Variants in CDC14B observed in about 807,000 individuals in gnomAD.
CDC14B encodes cell division cycle 14B.
A neutral mutation model predicts 64.2 loss-of-function variants in CDC14B; 22 were observed. The observed-to-expected ratio is 0.34, with a 90% confidence interval of 0.24 to 0.49. The LOEUF (loss-of-function observed/expected upper bound fraction) is 0.49, where lower values mean the gene tolerates loss of function less well. Ranked by LOEUF, CDC14B falls within the 20% of genes least tolerant of loss-of-function variation. The pLI is 0.99. For synonymous variants in CDC14B, 191 were observed against 215.8 expected, an observed-to-expected ratio of 0.89 and a Z score of 1.01; for missense variants, 498 against 629.9, an observed-to-expected ratio of 0.79 and a Z score of 2.24.
In CDC14B at chr9:96,502,508, CA is replaced by C; in HGVS notation, c.*1244del. The stretch of plus-strand genomic sequence containing the variant: ...CAGCCCTCCATGCTCCCGGCACAGG[CA>C]AAAATGGCTTAACAATCATTAAACC... On this transcript the variant is annotated 3_prime_UTR_variant, in exon 14 of 14. Coordinates refer to ENST00000375241, the MANE Select transcript of CDC14B (RefSeq NM_033331.4). The C allele has an allele frequency of 5.3e-6, 1 of 189,100 alleles. No individual in the cohort carries two copies. Among genetic ancestry groups the C allele is most frequent in the Non-Finnish European group, 1.1e-5 (1 of 92,808 alleles). 11.7% of individuals were successfully genotyped at this position (189,100 alleles called of 1,614,324 possible).
rs113459118 is a variant in CDC14B at position 96,536,518 on chromosome 9, T to C, written c.628-1976A>G. Reference sequence around the variant, plus strand: ...TTAAATGTACGTTGTACTTTAGAAATGGACTGCTATCAGAGAAGTAAAGAC... The same window carrying C: ...TTAAATGTACGTTGTACTTTAGAAACGGACTGCTATCAGAGAAGTAAAGAC... On this transcript the variant is annotated intron_variant, in intron 7 of 13. Transcript: ENST00000375241. 1.0e-3 allele frequency among the ~76,000 whole-genome samples: 152 copies of C among 152,326 alleles called. 3 individuals carry two copies. The highest frequency in any genetic ancestry group is 3.4e-3 in the African/African-American group (143 of 41,572).
chr9:96,604,550 T>C (rs1846743389), intron 1 of CDC14B, among the ~76,000 whole-genome samples: 1 of 149,832 alleles, frequency 6.7e-6, no homozygotes. Context: ...CCGGCTAATT[T>C]TGTATTTTTA....
intron 5 of CDC14B, among the ~76,000 whole-genome samples, chr9:96,551,263 T>C (rs1434336543): frequency 6.6e-6 from 1 of 151,892 alleles, no homozygotes; most frequent in African/African-American, 2.4e-5. Flanking sequence ...ACTACAGGCA[T>C]GTGCAACCAC....
At chr9:96,507,547 C>G (rs1370237782) in intron 13 of CDC14B, among the ~76,000 whole-genome samples, 2 of 151,698 alleles carry the variant, frequency 1.3e-5, no homozygotes, top group Admixed American at 1.3e-4. Flanking sequence ...TCCCGAGTAG[C>G]TGGGATTACA....
chr9:96,503,250 A>C lies in CDC14B; in HGVS notation c.*503T>G, dbSNP rs1006434047. On this transcript the variant is annotated 3_prime_UTR_variant, in exon 14 of 14. Transcript: ENST00000375241. ...AGAGTTAACATTACAACAGTATTAC[A>C]AATAGTCAAGTGAAGATGATTAAGC... 1 of 228,412 alleles carries C rather than the reference A, an allele frequency of 4.4e-6. No homozygotes were observed. Among genetic ancestry groups the C allele is most frequent in the Admixed American group, 5.7e-5 (1 of 17,684 alleles). 14.1% of individuals were successfully genotyped at this position (228,412 alleles called of 1,614,324 possible).
chr9:96,494,086 A>G (rs1178943671), intron 13 of CDC14B, among the ~76,000 whole-genome samples: 1 of 152,048 alleles, frequency 6.6e-6, no homozygotes, highest in Admixed American at 6.5e-5. Flanking sequence ...AGAGCCTGGG[A>G]GCCCTGTCTT....
chr9:96,619,468 T>G lies in CDC14B; in HGVS notation c.-90A>C. The G allele has an allele frequency of 2.7e-6, 2 of 733,922 alleles. No individual in the cohort carries two copies. The highest frequency in any genetic ancestry group is 3.3e-6 in the Non-Finnish European group (2 of 604,060). 45.5% of individuals were successfully genotyped at this position (733,922 alleles called of 1,614,324 possible). A position where few individuals can be genotyped will look rare whatever the true frequency, so the allele number is the denominator to read the frequency against. On this transcript the variant is annotated 5_prime_UTR_variant, in exon 1 of 14. Coordinates refer to ENST00000375241, the MANE Select transcript of CDC14B (RefSeq NM_033331.4). ...GCTCCCGCCAGCCCCGCGCGGGCGC[T>G]CGGGGCGGCGGGCGCAGAGCGGCGC...
At chr9:96,604,226 A>G (rs1846702209) in intron 1 of CDC14B, among the ~76,000 whole-genome samples, 1 of 152,152 alleles carries the variant, frequency 6.6e-6, no homozygotes, top group Non-Finnish European at 1.5e-5. Flanking sequence ...TCCAAGCTAC[A>G]GTGATGTTTA....
intron 12 of CDC14B, chr9:96,514,614 T>C: frequency 1.0e-6 from 1 of 985,440 alleles, no homozygotes; most frequent in Non-Finnish European, 1.2e-6. Flanking sequence ...ATGGAATTTT[T>C]CTTTGGAAGA....
intron 4 of CDC14B, 45 bp downstream of exon 4, chr9:96,562,648 T>G: frequency 1.7e-6 from 2 of 1,204,838 alleles, no homozygotes; most frequent in Non-Finnish European, 2.5e-6. Context: ...AAAGAACCAC[T>G]GTTGTGTGCA....
At chr9:96,609,845 A>C (rs559947550) in intron 1 of CDC14B, among the ~76,000 whole-genome samples, 9 of 152,214 alleles carry the variant, frequency 5.9e-5, no homozygotes, top group Non-Finnish European at 1.2e-4. Context: ...TTAATGGTAT[A>C]AAACTGAACT....
At position 96,515,777 on chromosome 9, in the gene CDC14B, C is replaced by A; in HGVS notation, c.1344-5988G>T. 2 of 1,600,948 alleles carry A rather than the reference C, an allele frequency of 1.2e-6. No homozygotes were observed. The highest frequency in any genetic ancestry group is 8.5e-7 in the Non-Finnish European group (1 of 1,174,332). On this transcript the variant is annotated intron_variant, in intron 12 of 13. Coordinates refer to ENST00000375241, the MANE Select transcript of CDC14B (RefSeq NM_033331.4). The surrounding 1 kb of genome is among the most constrained non-coding windows in gnomAD (Gnocchi z 4.3). Reference sequence around the variant, plus strand: ...CAACACTACACAGTGCAGAGGTCAGCACAGCTAGGGGACATCTGGAAAGGG... The same window carrying A: ...CAACACTACACAGTGCAGAGGTCAGAACAGCTAGGGGACATCTGGAAAGGG...
At chr9:96,559,908 C>T (rs1163351202) in intron 4 of CDC14B, among the ~76,000 whole-genome samples, 1 of 152,058 alleles carries the variant, frequency 6.6e-6, no homozygotes, top group Non-Finnish European at 1.5e-5. Flanking sequence ...CAAAATACAA[C>T]CATAAACAAA....
chr9:96,525,700 T>C (rs1837453047), intron 9 of CDC14B, among the ~76,000 whole-genome samples: 1 of 152,224 alleles, frequency 6.6e-6, no homozygotes, highest in Non-Finnish European at 1.5e-5. Context: ...GGAATGGTAA[T>C]GTCTATCCTG....
intron 1 of CDC14B, among the ~76,000 whole-genome samples, chr9:96,573,282 G>C (rs1413282844): frequency 1.3e-5 from 2 of 152,140 alleles, no homozygotes; most frequent in African/African-American, 4.8e-5. Flanking sequence ...CTCAACTCCA[G>C]CCTGGGTGAC....
Position 96,503,155 on chromosome 9 carries a change from A to G in CDC14B, c.*598T>C, listed in dbSNP as rs2131242632. ...GTCTTACAACATGCAACAGTGTTTA[A>G]ATGTGATTTTCACAGATTCTTGTTA... On this transcript the variant is annotated 3_prime_UTR_variant, in exon 14 of 14. Coordinates refer to ENST00000375241, the MANE Select transcript of CDC14B (RefSeq NM_033331.4). 1 of 341,776 alleles carries G rather than the reference A, an allele frequency of 2.9e-6. No homozygotes were observed. The highest frequency in any genetic ancestry group is 4.3e-5 in the East Asian group (1 of 23,270). The allele number at this position is 341,776 out of a possible 1,614,324, so 21.2% of individuals were successfully genotyped here. A position where few individuals can be genotyped will look rare whatever the true frequency, so the allele number is the denominator to read the frequency against.
In CDC14B at chr9:96,522,599, C is replaced by G. The variant is rs1202983747; in HGVS notation, c.1250G>C (p.Ser417Thr). 1.2e-6 allele frequency: 2 copies of G among 1,603,772 alleles called. No individual in the cohort carries two copies. Among genetic ancestry groups the G allele is most frequent in the Non-Finnish European group, 1.7e-6 (2 of 1,170,624 alleles). Reference sequence around the variant, plus strand: ...CACTCCATTGATTTCGTCATCATCACTGTACTGTGTAAGTAAAAAAACACT... The same window carrying G: ...CACTCCATTGATTTCGTCATCATCAGTGTACTGTGTAAGTAAAAAAACACT... ...NQDQQEPEPY[S>T]DDDEINGVTQ... The change falls in exon 12 of 14, where the codon AGT becomes ACT. Residue 417 changes from serine (S) to threonine (T), a missense_variant. Coordinates refer to ENST00000375241, the MANE Select transcript of CDC14B (RefSeq NM_033331.4).
At chr9:96,548,138 T>TAAAC (rs1841261091) in intron 5 of CDC14B, among the ~76,000 whole-genome samples, 1 of 152,060 alleles carries the variant, frequency 6.6e-6, no homozygotes, top group Non-Finnish European at 1.5e-5. Flanking sequence ...TGTTTCTGTT[T>TAAAC]AAAGACTAGG....
At chr9:96,577,255 A>C (rs1209077182) in intron 1 of CDC14B, among the ~76,000 whole-genome samples, 1 of 152,090 alleles carries the variant, frequency 6.6e-6, no homozygotes, top group Non-Finnish European at 1.5e-5. Context: ...CATCTCAAAA[A>C]AAAAAAAAAA....
Sources: allele counts gnomAD v4.1 joint callset (sites outside exome capture counted in the v4.1 genomes callset), GRCh38; gene constraint gnomAD v4.1.1; non-coding constraint Gnocchi (gnomAD v3.1); transcripts MANE v1.5; gene names NCBI Gene and HGNC (gene_info 2026-07-23, HGNC 2026-07-21).